Variants in ERC1 observed in about 807,000 individuals in gnomAD.
ERC1 encodes the protein RAB6 interacting protein 2.
In ERC1, 56 loss-of-function variants were observed where a neutral mutation model predicts 132.0. That is an observed-to-expected ratio of 0.42 (90% CI 0.34 to 0.53). The LOEUF (loss-of-function observed/expected upper bound fraction) is 0.53, where lower values mean the gene tolerates loss of function less well. Ranked by LOEUF, ERC1 falls within the 20% of genes least tolerant of loss-of-function variation. ERC1 has a pLI of 0.03. For missense variants in ERC1, 1,202 were observed against 1,349.9 expected, an observed-to-expected ratio of 0.89 and a Z score of 1.72; for synonymous variants, 478 against 476.1, an observed-to-expected ratio of 1.00 and a Z score of -0.05.
At position 1,339,575 on chromosome 12, in the gene ERC1, CTG is replaced by C. The variant is rs1324806790; in HGVS notation, c.2781-32255_2781-32254del. On this transcript the variant is annotated intron_variant, in intron 15 of 18. Coordinates refer to ENST00000360905, the MANE Select transcript of ERC1 (RefSeq NM_178040.4). The stretch of plus-strand genomic sequence containing the variant: ...TGGCAGAGGCAGCTCAGCTGGACAA[CTG>C]TGACAGGGTGCTAGCAGGTGCCAGG... 4.0e-5 allele frequency among the ~76,000 whole-genome samples: 6 copies of C among 149,354 alleles called. No homozygotes were observed. In the East Asian group the frequency reaches 1.0e-3, roughly 25 times the overall value.
At chr12:1,120,097 C>G (rs1395549827) in intron 7 of ERC1, among the ~76,000 whole-genome samples, 2 of 152,024 alleles carry the variant, frequency 1.3e-5, no homozygotes, top group Non-Finnish European at 2.9e-5. Flanking sequence ...AGGTGATCCT[C>G]CCACTTCAGC....
intron 15 of ERC1, among the ~76,000 whole-genome samples, chr12:1,335,034 T>C (rs1377897121): frequency 6.6e-6 from 1 of 152,194 alleles, no homozygotes; most frequent in Non-Finnish European, 1.5e-5. Context: ...TTGGCTTGAC[T>C]GTTGGTGTAG....
Position 1,255,452 on chromosome 12 carries a change from G to A in ERC1, c.2488-7582G>A, listed in dbSNP as rs142961589. The stretch of plus-strand genomic sequence containing the variant: ...ATAGAATGATTTATAATCCTTTGGG[G>A]TATATACCCAGTAATGGGATTGCCG... On this transcript the variant is annotated intron_variant, in intron 13 of 18. Coordinates refer to ENST00000360905, the MANE Select transcript of ERC1 (RefSeq NM_178040.4). 2.5e-4 allele frequency among the ~76,000 whole-genome samples: 38 copies of A among 152,036 alleles called. No individual in the cohort carries two copies. In the East Asian group the frequency reaches 7.2e-3, roughly 29 times the overall value.
chr12:1,328,463 G>A (rs1346207701), intron 15 of ERC1, among the ~76,000 whole-genome samples: 7 of 152,080 alleles, frequency 4.6e-5, no homozygotes, highest in South Asian at 2.1e-4. Context: ...TTGAAAACAC[G>A]TGTATGGTCA....
At chr12:1,242,048 T>C (rs565586941) in intron 13 of ERC1, among the ~76,000 whole-genome samples, 15 of 152,026 alleles carry the variant, frequency 9.9e-5, no homozygotes, top group African/African-American at 3.1e-4. Flanking sequence ...GGTTTCACCA[T>C]TTTGGCCAGG....
intron 15 of ERC1, among the ~76,000 whole-genome samples, chr12:1,321,835 G>A (rs140214771): frequency 2.0e-5 from 3 of 152,058 alleles, no homozygotes; most frequent in Non-Finnish European, 2.9e-5. Flanking sequence ...TTAAGCAAAA[G>A]ACAAAGTTAC....
intron 2 of ERC1, among the ~76,000 whole-genome samples, chr12:1,067,408 GGA>G (rs1939416596): frequency 6.6e-6 from 1 of 152,152 alleles, no homozygotes; most frequent in Admixed American, 6.5e-5. Context: ...TGGTACCTCA[GGA>G]GATTACTTGG....
At chr12:1,380,497 G>A in intron 16 of ERC1, 1 of 152,242 alleles carries the variant, frequency 6.6e-6, no homozygotes, top group East Asian at 1.9e-4. Context: ...CTCACACTCA[G>A]TCTTTAGGAG....
At chr12:1,141,347 AC>A (rs1949846343) in intron 7 of ERC1, among the ~76,000 whole-genome samples, 1 of 152,134 alleles carries the variant, frequency 6.6e-6, no homozygotes, top group Non-Finnish European at 1.5e-5. Flanking sequence ...CTGATTTTGA[AC>A]CCCAACCCTG....
At chr12:1,094,380 G>A (rs1053618367) in intron 3 of ERC1, among the ~76,000 whole-genome samples, 3 of 149,096 alleles carry the variant, frequency 2.0e-5, no homozygotes, top group Admixed American at 6.8e-5. Flanking sequence ...GAGAACAGTT[G>A]CATACCTTAT....
intron 17 of ERC1, among the ~76,000 whole-genome samples, chr12:1,427,636 T>C (rs2092680542): frequency 6.6e-6 from 1 of 152,228 alleles, no homozygotes; most frequent in Admixed American, 6.5e-5. Flanking sequence ...AGAGTGTCTT[T>C]GCCCTAAGAC....
At chr12:1,396,092 A>C (rs2090518217) in intron 16 of ERC1, among the ~76,000 whole-genome samples, 1 of 152,240 alleles carries the variant, frequency 6.6e-6, no homozygotes, top group African/African-American at 2.4e-5. Context: ...TTCTTTTGTG[A>C]AACTAGTGTA....
rs1236699717 is a variant in ERC1, at chr12:1,290,003, T to G, written c.2771T>G (p.Leu924Arg). Residue 924 changes from leucine (L) to arginine (R), a missense_variant, in exon 15 of 19, where the codon CTG becomes CGG. Physicochemically the swap from Leu to Arg is moderately radical, Grantham distance 102 (BLOSUM62 -2). Coordinates refer to ENST00000360905, the MANE Select transcript of ERC1 (RefSeq NM_178040.4). ...AERRKHLEEV[L>R]EMKQEALLAA... ...AGAAGGAAACACTTAGAGGAAGTTC[T>G]GGAGATGAAGTAAGTGTTTGTAGTC... 1.2e-6 allele frequency: 2 copies of G among 1,613,716 alleles called. No individual in the cohort carries two copies. Among genetic ancestry groups the G allele is most frequent in the Non-Finnish European group, 1.7e-6 (2 of 1,179,736 alleles).
chr12:1,193,330 T>G (rs1034830021), intron 12 of ERC1, among the ~76,000 whole-genome samples: 1 of 152,046 alleles, frequency 6.6e-6, no homozygotes, highest in Non-Finnish European at 1.5e-5. Context: ...AAATATAAAA[T>G]ATTTTCCCCA....
intron 15 of ERC1, among the ~76,000 whole-genome samples, chr12:1,296,131 G>C (rs967160462): frequency 6.6e-6 from 1 of 151,870 alleles, no homozygotes; most frequent in South Asian, 2.1e-4. Context: ...TTTTAAAATG[G>C]AAATTTGACA....
chr12:1,389,930 T>C (rs1243744434), intron 16 of ERC1, among the ~76,000 whole-genome samples: 1 of 152,202 alleles, frequency 6.6e-6, no homozygotes, highest in Non-Finnish European at 1.5e-5. Context: ...AAAAAAACCC[T>C]TGAGTAGGTT....
In ERC1 at chr12:1,112,310, A is replaced by G. The variant is rs1273312823; in HGVS notation, c.1401+12A>G. ...GTCTTCAGGCTGAGGTCTTTGCCGT[A>G]AGATTTACCTCTTTGTGTGCAGTGG... On this transcript the variant is annotated intron_variant, in intron 6 of 18. Coordinates refer to ENST00000360905, the MANE Select transcript of ERC1 (RefSeq NM_178040.4). The G allele has an allele frequency of 6.3e-7, 1 of 1,598,910 alleles. No individual in the cohort carries two copies. Among genetic ancestry groups the G allele is most frequent in the African/African-American group, 1.3e-5 (1 of 74,630 alleles).
chr12:1,345,107 A>G (rs1338685723), intron 15 of ERC1, among the ~76,000 whole-genome samples: 5 of 152,146 alleles, frequency 3.3e-5, no homozygotes, highest in Non-Finnish European at 7.4e-5. Context: ...TTAACATATA[A>G]CATGCCATTT....
chr12:1,137,750 G>T (rs1949400673), intron 7 of ERC1, among the ~76,000 whole-genome samples: 1 of 151,600 alleles, frequency 6.6e-6, no homozygotes, highest in Admixed American at 6.6e-5. Flanking sequence ...CTACCAGGGA[G>T]GCTGAGGCAG....
Sources: allele counts gnomAD v4.1 joint callset (sites outside exome capture counted in the v4.1 genomes callset), GRCh38; gene constraint gnomAD v4.1.1; transcripts MANE v1.5; gene names NCBI Gene and HGNC (gene_info 2026-07-23, HGNC 2026-07-21).